Variants in PPP2R2B observed in about 807,000 individuals in gnomAD.
PPP2R2B encodes protein phosphatase 2 regulatory subunit Bbeta.
Under a neutral mutation model 46.0 loss-of-function variants are expected in PPP2R2B, and 5 were observed. The observed-to-expected ratio is 0.11, with a 90% CI of 0.06 to 0.23. The LOEUF (loss-of-function observed/expected upper bound fraction) is 0.23, where lower values mean the gene tolerates loss of function less well. Among genes scored for constraint, PPP2R2B ranks in the 10% least tolerant of loss-of-function variants. The pLI, the probability that PPP2R2B is intolerant of heterozygous loss-of-function variation, is 1.00. For missense variants in PPP2R2B, 367 were observed against 575.0 expected (o/e 0.64, Z 3.70); for synonymous variants, 215 against 206.7 (o/e 1.04, Z -0.34).
intron 2 of PPP2R2B, among the ~76,000 whole-genome samples, chr5:146,841,852 A>C (rs1759668404): frequency 6.6e-6 from 1 of 152,206 alleles, no homozygotes; most frequent in African/African-American, 2.4e-5. Flanking sequence ...TGATGGGTGC[A>C]GCAAACCACC....
intron 7 of PPP2R2B, among the ~76,000 whole-genome samples, chr5:146,618,888 G>A (rs962114482): frequency 1.3e-4 from 20 of 152,274 alleles, no homozygotes; most frequent in East Asian, 5.8e-4. Flanking sequence ...TGAAACGACC[G>A]GCAATCCTAC....
intron 1 of PPP2R2B, among the ~76,000 whole-genome samples, chr5:147,032,098 A>G (rs1755811980): frequency 6.6e-6 from 1 of 152,236 alleles, no homozygotes; most frequent in Non-Finnish European, 1.5e-5. Context: ...CAGTCAGCAG[A>G]GTAAACAGAC....
At chr5:146,655,525 G>A (rs114542859) in intron 5 of PPP2R2B, among the ~76,000 whole-genome samples, 74 of 152,178 alleles carry the variant, frequency 4.9e-4, no homozygotes, top group African/African-American at 1.5e-3. Context: ...AATTTTCATC[G>A]CTATCCTATG....
At chr5:146,917,691 A>G (rs1270125725) in intron 1 of PPP2R2B, 2 of 152,196 alleles carry the variant, frequency 1.3e-5, no homozygotes, top group Non-Finnish European at 2.9e-5. Context: ...CTAATACCAC[A>G]GTGGCTGGCA....
At chr5:146,934,984 T>C (rs186617300) in intron 1 of PPP2R2B, among the ~76,000 whole-genome samples, 3 of 152,312 alleles carry the variant, frequency 2.0e-5, no homozygotes, top group Admixed American at 2.0e-4. Context: ...TCAGTTACCA[T>C]TGATTAATTT....
rs544107925 is a variant in PPP2R2B at position 146,592,021 on chromosome 5, A to G, written c.1052+950T>C. The G allele has an allele frequency of 8.6e-4, 304 of 355,526 alleles. 5 individuals are homozygous for G. Among genetic ancestry groups the G allele is most frequent in the South Asian group, 6.7e-3 (293 of 43,540 alleles). 22.0% of individuals were successfully genotyped at this position (355,526 alleles called of 1,614,324 possible). Reference sequence around the variant, plus strand: ...ACTTGAGCAATAATAACAGATATGTAAATAATAATATATGAATAAATAAAT... The same window carrying G: ...ACTTGAGCAATAATAACAGATATGTGAATAATAATATATGAATAAATAAAT... On this transcript the variant is annotated intron_variant, in intron 9 of 9. Coordinates refer to ENST00000394411, the MANE Select transcript of PPP2R2B (RefSeq NM_181675.4).
intron 2 of PPP2R2B, among the ~76,000 whole-genome samples, chr5:146,745,961 G>A (rs80320674): frequency 2.6e-4 from 38 of 146,746 alleles, no homozygotes; most frequent in Non-Finnish European, 3.1e-4. Context: ...TGGTCTCAAA[G>A]AAAAAAAAAA....
At chr5:146,868,994 T>A (rs1314314421) in intron 2 of PPP2R2B, among the ~76,000 whole-genome samples, 1 of 152,198 alleles carries the variant, frequency 6.6e-6, no homozygotes, top group Non-Finnish European at 1.5e-5. Flanking sequence ...TAAACTGGAT[T>A]ACATGAGAAA....
chr5:146,997,582 T>C (rs944909178), intron 1 of PPP2R2B, among the ~76,000 whole-genome samples: 3 of 152,184 alleles, frequency 2.0e-5, no homozygotes, highest in Non-Finnish European at 4.4e-5. Context: ...GCAGTTGATC[T>C]TGATGCATGC....
intron 2 of PPP2R2B, among the ~76,000 whole-genome samples, chr5:146,822,534 G>GTTTTTTTTTTT (rs1561935089): frequency 1.5e-5 from 2 of 133,914 alleles, no homozygotes; most frequent in African/African-American, 5.7e-5. Context: ...CTTCATTTTT[G>GTTTTTTTTTTT]GTTTTTTTTT....
At chr5:146,723,600 T>C (rs1751662128) in intron 2 of PPP2R2B, among the ~76,000 whole-genome samples, 1 of 152,184 alleles carries the variant, frequency 6.6e-6, no homozygotes, top group African/African-American at 2.4e-5. Context: ...ACATGAATCC[T>C]TTGAAAGATC....
At chr5:146,800,571 T>A (rs1214491512) in intron 2 of PPP2R2B, among the ~76,000 whole-genome samples, 1 of 151,488 alleles carries the variant, frequency 6.6e-6, no homozygotes, top group Middle Eastern at 3.4e-3. Context: ...CCTGATGGTA[T>A]TTTTTTCTGG....
At chr5:147,065,200 T>C (rs1207664175) in intron 2 of PPP2R2B, among the ~76,000 whole-genome samples, 2 of 152,126 alleles carry the variant, frequency 1.3e-5, no homozygotes, top group Admixed American at 1.3e-4. Context: ...TGGAGAACAT[T>C]CAGGACCTTC....
intron 7 of PPP2R2B, among the ~76,000 whole-genome samples, chr5:146,616,377 G>A (rs1184339130): frequency 6.6e-6 from 1 of 152,066 alleles, no homozygotes; most frequent in African/African-American, 2.4e-5. Context: ...AAGCAAAAAT[G>A]AACAAATGGG....
At chr5:146,842,375 CCA>C (rs59075430) in intron 2 of PPP2R2B, among the ~76,000 whole-genome samples, 21,909 of 151,738 alleles carry the variant, frequency 0.14, 1,940 homozygotes, top group East Asian at 0.38. Context: ...TCTAAATCTA[CCA>C]CAGTCAACTT....
At chr5:146,795,074 C>T (rs1161131816) in intron 2 of PPP2R2B, among the ~76,000 whole-genome samples, 1 of 152,016 alleles carries the variant, frequency 6.6e-6, no homozygotes, top group Non-Finnish European at 1.5e-5. Flanking sequence ...AAAATGGGTT[C>T]TTAGTTGCAA....
At chr5:146,607,219 G>A (rs1772377323) in intron 7 of PPP2R2B, 1 of 152,178 alleles carries the variant, frequency 6.6e-6, no homozygotes, top group Non-Finnish European at 1.5e-5. Flanking sequence ...TTCCCACAGA[G>A]GGTAAGAACT....
chr5:146,838,248 G>A (rs186783780), intron 2 of PPP2R2B, among the ~76,000 whole-genome samples: 1 of 152,152 alleles, frequency 6.6e-6, no homozygotes, highest in Admixed American at 6.5e-5. Flanking sequence ...GTGAAATACA[G>A]GGTGGTTAGG....
intron 5 of PPP2R2B, among the ~76,000 whole-genome samples, chr5:146,659,283 T>C (rs763527676): frequency 1.4e-4 from 22 of 152,238 alleles, no homozygotes; most frequent in Non-Finnish European, 3.2e-4. Flanking sequence ...TCTGCAATTA[T>C]TTAACATTAC....
Sources: gnomAD v4.1 joint callset for allele counts (sites outside exome capture counted in the v4.1 genomes callset) on GRCh38, gnomAD v4.1.1 for gene constraint, MANE v1.5 for transcripts, NCBI Gene and HGNC (gene_info 2026-07-23, HGNC 2026-07-21) for gene names.